Variants in SLC2A5 observed in about 807,000 individuals in gnomAD.
SLC2A5 encodes solute carrier family 2 member 5, also known as solute carrier family 2, facilitated glucose transporter member 5.
SLC2A5 carries 56 observed loss-of-function variants against 50.3 expected under a neutral mutation model. That is an observed-to-expected ratio of 1.11 (90% CI 0.90 to 1.39). The LOEUF is 1.39. Among genes scored for constraint, SLC2A5 ranks in the 40% most tolerant of loss-of-function variants. SLC2A5 has a pLI of 0.00. For missense variants in SLC2A5, 566 were observed against 650.1 expected (o/e 0.87, Z 1.41); for synonymous variants, 269 against 281.9 (o/e 0.95, Z 0.46).
At chr1:9,062,348 AAG>A (rs991969955) in intron 1 of SLC2A5, among the ~76,000 whole-genome samples, 2 of 152,126 alleles carry the variant, frequency 1.3e-5, no homozygotes, top group Non-Finnish European at 2.9e-5. Context: ...GAGGAAGGAG[AAG>A]AGAGTGATTC....
chr1:9,076,640 C>G (rs1167058325), intron 2 of SLC2A5, among the ~76,000 whole-genome samples: 2 of 152,090 alleles, frequency 1.3e-5, no homozygotes, highest in African/African-American at 4.8e-5. Flanking sequence ...TGGCCACACC[C>G]ATTTATTAAT....
At chr1:9,078,010 A>G (rs985773157) in intron 2 of SLC2A5, among the ~76,000 whole-genome samples, 3 of 152,188 alleles carry the variant, frequency 2.0e-5, no homozygotes, top group Non-Finnish European at 4.4e-5. Flanking sequence ...GATTATATTT[A>G]TAATTAGTTC....
rs1481943602 is a variant in SLC2A5 at position 9,057,959 on chromosome 1, C to T, written c.132+193G>A. Among the ~76,000 whole-genome samples, 14 of 152,216 alleles carry T rather than the reference C, an allele frequency of 9.2e-5. 1 individual carries two copies. Among genetic ancestry groups the T allele is most frequent in the Admixed American group, 9.2e-4 (14 of 15,280 alleles). ...TCCTAGAGCCCGGCCCACTGTGTGTCCATCCAGACCTGGCCCATCCCAAGA... is the reference window on the plus strand; with the variant it reads ...TCCTAGAGCCCGGCCCACTGTGTGTTCATCCAGACCTGGCCCATCCCAAGA... On this transcript the variant is annotated intron_variant, in intron 2 of 11. Transcript: ENST00000377424.
rs761513281 is a variant in SLC2A5 at position 9,038,514 on chromosome 1, G to T, written c.1099-8C>A. The T allele has an allele frequency of 4.3e-6, 7 of 1,610,366 alleles. No individual in the cohort carries two copies. In the East Asian group the frequency reaches 1.6e-4, roughly 36 times the overall value. On this transcript the variant is annotated splice_polypyrimidine_tract_variant and splice_region_variant and intron_variant, in intron 9 of 11. Coordinates refer to ENST00000377424, the MANE Select transcript of SLC2A5 (RefSeq NM_003039.3). ...CATCCAGGACACTGTGTCCTGTGGAGAGAAAGCAGTTGGTTCACCTGGAGC... is the reference window on the plus strand; with the variant it reads ...CATCCAGGACACTGTGTCCTGTGGATAGAAAGCAGTTGGTTCACCTGGAGC...
At position 9,037,884 on chromosome 1, in the gene SLC2A5, G is replaced by A. The variant is rs373802415; in HGVS notation, c.1302+13C>T. 5.6e-5 allele frequency: 91 copies of A among 1,613,334 alleles called. No homozygotes were observed. Among genetic ancestry groups the A allele is most frequent in the Admixed American group, 3.5e-4 (21 of 59,974 alleles). On this transcript the variant is annotated intron_variant, in intron 11 of 11. Coordinates refer to ENST00000377424, the MANE Select transcript of SLC2A5 (RefSeq NM_003039.3). ...GGATCTGGTGGTGAGCGTGGGCCCC[G>A]GGCCCCACTCACCTGGATGAACGGG...
chr1:9,076,016 C>T (rs1642277394), intron 2 of SLC2A5, among the ~76,000 whole-genome samples: 1 of 149,762 alleles, frequency 6.7e-6, no homozygotes, highest in South Asian at 2.1e-4. Flanking sequence ...GGTGCAGTGG[C>T]ACAATCTCAG....
chr1:9,057,032 C>T (rs1482808886), intron 3 of SLC2A5, among the ~76,000 whole-genome samples: 2 of 152,188 alleles, frequency 1.3e-5, no homozygotes, highest in Non-Finnish European at 2.9e-5. Flanking sequence ...TGGCTCACGC[C>T]TGTAATCCCA....
chr1:9,037,565 C>T lies in SLC2A5; in HGVS notation c.*21G>A, dbSNP rs968785310. 2 of 1,609,320 alleles carry T rather than the reference C, an allele frequency of 1.2e-6. No individual in the cohort carries two copies. The highest frequency in any genetic ancestry group is 1.3e-5 in the African/African-American group (1 of 74,930). ...GTGGGAAGCCCCTGGCAGACCAGCT[C>T]CACTGGCTTCCTCTCCAGAGTCACT... On this transcript the variant is annotated 3_prime_UTR_variant, in exon 12 of 12. Coordinates refer to ENST00000377424, the MANE Select transcript of SLC2A5 (RefSeq NM_003039.3).
upstream of SLC2A5, chr1:9,088,536 A>G (rs1410382634): frequency 6.6e-6 from 1 of 152,428 alleles, no homozygotes; most frequent in African/African-American, 2.4e-5. Context: ...TAATCCCAGC[A>G]CTTTGGGAGG....
rs377631242 is a variant in SLC2A5 at position 9,085,752 on chromosome 1, A to C, written c.-187-610T>G. 3.2e-4 allele frequency among the ~76,000 whole-genome samples: 49 copies of C among 152,264 alleles called. No homozygotes were observed. The East Asian group carries it at 3.7e-3, about 11-fold the overall frequency. On this transcript the variant is annotated intron_variant, in intron 1 of 5. Coordinates refer to the SLC2A5 transcript ENST00000464985. ...TTACCTTTGGTTACACTGGGGTGGC[A>C]GTGGTGCAGGACGGGGCAGGTTTGC...
intron 4 of SLC2A5, among the ~76,000 whole-genome samples, chr1:9,046,351 G>C (rs1010156304): frequency 6.6e-6 from 1 of 152,168 alleles, no homozygotes; most frequent in Non-Finnish European, 1.5e-5. Context: ...TTATGGGAGA[G>C]TTTTCTAAAA....
In SLC2A5 at chr1:9,038,478, C is replaced by T. The variant is rs755146781; in HGVS notation, c.1127G>A (p.Ser376Asn). The T allele has an allele frequency of 3.1e-6, 5 of 1,613,500 alleles. No individual in the cohort carries two copies. The East Asian group carries it at 8.9e-5, about 29-fold the overall frequency. Residue 376 changes from serine to asparagine, a missense_variant, in exon 10 of 12, where the codon AGC becomes AAC. Physicochemically the swap from Ser to Asn is conservative, Grantham distance 46. Coordinates refer to ENST00000377424, the MANE Select transcript of SLC2A5 (RefSeq NM_003039.3). ...GACGTAGGAGATGACACAGACGATG[C>T]TGATGTATGGCATCCAGGACACTGT... is the stretch of plus-strand genomic sequence containing the variant. Reference protein sequence around the residue: ...QDTVSWMPYISIVCVISYVIG... With the variant: ...QDTVSWMPYINIVCVISYVIG...
chr1:9,082,663 C>A, intron 2 of SLC2A5: 1 of 194,938 alleles, frequency 5.1e-6, no homozygotes, highest in Non-Finnish European at 1.1e-5. Context: ...GTGAAAGATA[C>A]AGAATAGATA....
rs116740614 is a variant in SLC2A5, at chr1:9,065,129, A to C, written c.33+4375T>G. Among the ~76,000 whole-genome samples the C allele has an allele frequency of 3.6e-3, 546 of 152,158 alleles. 3 individuals are homozygous for C. The highest frequency in any genetic ancestry group is 0.012 in the African/African-American group (501 of 41,508). ...TCTAAACCAGTGAGAATTCCTAACA[A>C]ACACCGTTTGTAATCACTCCTCTCC... is the stretch of plus-strand genomic sequence containing the variant. On this transcript the variant is annotated intron_variant, in intron 1 of 11. Transcript: ENST00000377424.
At chr1:9,070,483 G>A (rs781427163), upstream of SLC2A5, among the ~76,000 whole-genome samples, 11 of 151,986 alleles carry the variant, frequency 7.2e-5, no homozygotes, top group Non-Finnish European at 1.3e-4. Context: ...CCCTTTCCAG[G>A]CAGGGCAGGG....
intron 7 of SLC2A5, 33 bp from the exon 8 acceptor site, chr1:9,039,695 C>G (rs1569837204): frequency 6.8e-7 from 1 of 1,472,492 alleles, no homozygotes; most frequent in South Asian, 1.3e-5. Context: ...GGCGGCTGCC[C>G]GGAGGAGGCG....
chr1:9,084,444 C>T (rs902350802), intron 2 of SLC2A5, among the ~76,000 whole-genome samples: 8 of 152,228 alleles, frequency 5.3e-5, no homozygotes, highest in African/African-American at 1.9e-4. Context: ...TCCTTGAATT[C>T]CTTCTGGCAA....
intron 3 of SLC2A5, among the ~76,000 whole-genome samples, chr1:9,053,481 T>TTATATTTATATATATTA (rs1641672695): frequency 1.5e-5 from 1 of 67,298 alleles, no homozygotes; most frequent in African/African-American, 6.7e-5. Context: ...TTTATATATA[T>TTATATTTATATATATTA]TATATATTTA....
At chr1:9,090,169 T>C (rs1202526985), upstream of SLC2A5, among the ~76,000 whole-genome samples, 1 of 152,174 alleles carries the variant, frequency 6.6e-6, no homozygotes, top group African/African-American at 2.4e-5. Flanking sequence ...GGGGGAATCA[T>C]TCATTTATTG....
Sources: allele counts gnomAD v4.1 joint callset (sites outside exome capture counted in the v4.1 genomes callset), GRCh38; gene constraint gnomAD v4.1.1; transcripts MANE v1.5; gene names NCBI Gene and HGNC (gene_info 2026-07-23, HGNC 2026-07-21).